The following PPTC7 variants were observed in gnomAD, a reference collection of about 807,000 sequenced individuals.
The protein encoded by PPTC7 is protein phosphatase PTC7 homolog.
In PPTC7, 6 loss-of-function variants were observed where a neutral mutation model predicts 30.8. The ratio of observed to expected loss-of-function variants is 0.19; its 90% CI spans 0.11 to 0.38. The LOEUF is 0.38. Among genes scored for constraint, PPTC7 ranks in the 10% least tolerant of loss-of-function variants. PPTC7 has a pLI of 1.00. For synonymous variants in PPTC7, 163 were observed against 168.1 expected, an observed-to-expected ratio of 0.97 and a Z score of 0.23; for missense variants, 218 against 404.8, an observed-to-expected ratio of 0.54 and a Z score of 3.96.
In PPTC7 at chr12:110,542,482, C is replaced by A. The variant is rs188340729; in HGVS notation, c.603-2537G>T. Among the ~76,000 whole-genome samples, 96 of 151,530 alleles carry A rather than the reference C, an allele frequency of 6.3e-4. 1 individual carries two copies. Among genetic ancestry groups the A allele is most frequent in the African/African-American group, 1.8e-3 (73 of 41,368 alleles). ...AGGTCAGGAGTTCAAGACCAGCCTG[C>A]CCAACATGGTGAAACCCTGTCTCTA... On this transcript the variant is annotated intron_variant, in intron 3 of 5. Coordinates refer to ENST00000354300, the MANE Select transcript of PPTC7 (RefSeq NM_139283.2).
At position 110,561,306 on chromosome 12, in the gene PPTC7, C is replaced by CT. The variant is rs368718066; in HGVS notation, c.224-9339dup. On this transcript the variant is annotated intron_variant, in intron 1 of 5. Transcript: ENST00000354300. ...ACAGATCACATTTATATCAACATTT[C>CT]TTTTTTTTTTCTTTCTTTCTTTTTT... 2.9e-3 allele frequency among the ~76,000 whole-genome samples: 428 copies of CT among 149,808 alleles called. 1 individual carries two copies. The highest frequency in any genetic ancestry group is 9.8e-3 in the African/African-American group (400 of 40,898).
At chr12:110,545,585 A>G (rs960898013) in intron 3 of PPTC7, among the ~76,000 whole-genome samples, 28 of 152,258 alleles carry the variant, frequency 1.8e-4, no homozygotes, top group African/African-American at 6.8e-4. Flanking sequence ...ACAATTTAAT[A>G]AAGTACTGTA....
At chr12:110,557,150 CCACATGTGGCTATTGAGTCTAAAA>C (rs2064395687) in intron 1 of PPTC7, among the ~76,000 whole-genome samples, 2 of 152,194 alleles carry the variant, frequency 1.3e-5, no homozygotes, top group Non-Finnish European at 2.9e-5. Flanking sequence ...GAGCCACTAG[CCACATGTGGCTATTGAGTCTAAAA>C]TCTCACTTGT....
chr12:110,576,976 G>T (rs1233947592), intron 1 of PPTC7, among the ~76,000 whole-genome samples: 1 of 152,110 alleles, frequency 6.6e-6, no homozygotes. Context: ...AGACTAGCCT[G>T]GCCAACATGG....
At position 110,536,868 on chromosome 12, in the gene PPTC7, T is replaced by C. The variant is rs1485206784; in HGVS notation, c.*169A>G. 2.1e-5 allele frequency: 13 copies of C among 612,684 alleles called. No individual in the cohort carries two copies. Among genetic ancestry groups the C allele is most frequent in the African/African-American group, 1.8e-5 (1 of 54,158 alleles). 38.0% of individuals were successfully genotyped at this position (612,684 alleles called of 1,614,324 possible). ...GCAGATATGAGCTAGTGAATGATAG[T>C]AGTGGTTCTCAACAAAGATCTCAAC... On this transcript the variant is annotated 3_prime_UTR_variant, in exon 6 of 6. Coordinates refer to ENST00000354300, the MANE Select transcript of PPTC7 (RefSeq NM_139283.2).
chr12:110,566,905 A>C (rs1461196641), intron 1 of PPTC7, among the ~76,000 whole-genome samples: 2 of 152,228 alleles, frequency 1.3e-5, no homozygotes, highest in East Asian at 1.9e-4. Context: ...ATTTACCTGC[A>C]CTTTGAAAAG....
Position 110,536,687 on chromosome 12 carries a change from T to C in PPTC7, c.*350A>G, listed in dbSNP as rs1418721066. ...ACCATCCCTTTAGCATACTAGGATT[T>C]TGAATTCACTTTACCAACATTACTC... is the stretch of plus-strand genomic sequence containing the variant. On this transcript the variant is annotated 3_prime_UTR_variant, in exon 6 of 6. Coordinates refer to ENST00000354300, the MANE Select transcript of PPTC7 (RefSeq NM_139283.2). 6 of 238,504 alleles carry C rather than the reference T, an allele frequency of 2.5e-5. No homozygotes were observed. Among genetic ancestry groups the C allele is most frequent in the Admixed American group, 5.5e-5 (1 of 18,228 alleles). The allele number at this position is 238,504 out of a possible 1,614,324, so 14.8% of individuals were successfully genotyped here. A position where few individuals can be genotyped will look rare whatever the true frequency, so the allele number is the denominator to read the frequency against.
At chr12:110,578,515 T>C (rs1420807686) in intron 1 of PPTC7, among the ~76,000 whole-genome samples, 2 of 152,204 alleles carry the variant, frequency 1.3e-5, no homozygotes, top group Non-Finnish European at 2.9e-5. Flanking sequence ...ATACAAAATG[T>C]TGTGAAGCAC....
At chr12:110,577,125 C>T (rs1346367499) in intron 1 of PPTC7, among the ~76,000 whole-genome samples, 7 of 147,872 alleles carry the variant, frequency 4.7e-5, no homozygotes, top group African/African-American at 1.5e-4. Flanking sequence ...CAAGATCGCG[C>T]CACTGCTCTC....
rs533741092 is a variant in PPTC7 at position 110,545,968 on chromosome 12, G to A, written c.514C>T (p.Arg172Ter). 6.2e-7 allele frequency: 1 copy of A among 1,614,114 alleles called. No individual in the cohort carries two copies. Residue 172 changes from arginine to a stop codon, truncating the protein, a stop_gained, in exon 3 of 6, where the codon CGA (arginine) becomes TGA (stop). Coordinates refer to ENST00000354300, the MANE Select transcript of PPTC7 (RefSeq NM_139283.2). LOFTEE classifies it high-confidence loss of function. Reference sequence around the variant, plus strand: ...AAGTAATGCTGCTGCTCATCTGATCGGTGCACGACTTCACCACCCCTGACA... The same window carrying A: ...AAGTAATGCTGCTGCTCATCTGATCAGTGCACGACTTCACCACCCCTGACA... ...LVVRGGEVVH[R>*]SDEQQHYFNT...
chr12:110,551,878 A>G lies in PPTC7; in HGVS notation c.314T>C (p.Val105Ala). ...GTLMRTCERL[V>A]KEGRFVPSNP... ...ACTAGGTACGAACCGTCCTTCTTTT[A>G]CTAAACGTTCACACGTCCGCATTAA... Residue 105 changes from valine to alanine, a missense_variant, in exon 2 of 6, where the codon GTA (valine) becomes GCA (alanine). Physicochemically the swap from Val to Ala is moderately conservative, Grantham distance 64. Coordinates refer to ENST00000354300, the MANE Select transcript of PPTC7 (RefSeq NM_139283.2). 1 of 1,614,174 alleles carries G rather than the reference A, an allele frequency of 6.2e-7. No homozygotes were observed. Among genetic ancestry groups the G allele is most frequent in the Non-Finnish European group, 8.5e-7 (1 of 1,180,006 alleles).
In PPTC7 at chr12:110,536,939, G is replaced by T. The variant is rs73191841; in HGVS notation, c.*98C>A. 3.5e-6 allele frequency: 3 copies of T among 869,260 alleles called. No individual in the cohort carries two copies. Among genetic ancestry groups the T allele is most frequent in the African/African-American group, 1.7e-5 (1 of 60,298 alleles). The allele number at this position is 869,260 out of a possible 1,614,324, so 53.8% of individuals were successfully genotyped here. A position where few individuals can be genotyped will look rare whatever the true frequency, so the allele number is the denominator to read the frequency against. On this transcript the variant is annotated 3_prime_UTR_variant, in exon 6 of 6. Coordinates refer to ENST00000354300, the MANE Select transcript of PPTC7 (RefSeq NM_139283.2). ...AAAGACTTACATCACTGGCCATTGA[G>T]ATCAGTGGCAAAGAAATGTGGTCCT...
chr12:110,582,788 G>A (rs778208883), intron 1 of PPTC7, 21 bp downstream of exon 1: 66 of 1,535,368 alleles, frequency 4.3e-5, no homozygotes, highest in Non-Finnish European at 5.6e-5. Flanking sequence ...CTGGGGCAAG[G>A]GAACCGGGTC....
rs1313361147 is a variant in PPTC7, at chr12:110,582,821, C to A, written c.211G>T (p.Ala71Ser). 1 of 1,560,296 alleles carries A rather than the reference C, an allele frequency of 6.4e-7. No homozygotes were observed. Among genetic ancestry groups the A allele is most frequent in the Non-Finnish European group, 8.7e-7 (1 of 1,152,844 alleles). Reference protein sequence around the residue: ...DACFVARHRSADVLGVADGVG... With the variant: ...DACFVARHRSSDVLGVADGVG... ...GTCGGGGACTCACCGAGCACGTCCG[C>A]GGAACGGTGCCGGGCCACGAAGCAC... Residue 71 changes from alanine (A) to serine (S), a missense_variant, in exon 1 of 6, where the codon GCG (alanine) becomes TCG (serine). Coordinates refer to ENST00000354300, the MANE Select transcript of PPTC7 (RefSeq NM_139283.2).
intron 1 of PPTC7, among the ~76,000 whole-genome samples, chr12:110,572,897 T>TTTC (rs2064551538): frequency 6.6e-6 from 1 of 151,594 alleles, no homozygotes; most frequent in Non-Finnish European, 1.5e-5. Context: ...TTATTTATTT[T>TTTC]TGAGACGAGT....
intron 1 of PPTC7, among the ~76,000 whole-genome samples, chr12:110,573,159 C>T (rs1227569693): frequency 1.3e-5 from 2 of 152,286 alleles, no homozygotes; most frequent in South Asian, 2.1e-4. Context: ...GGATTATAGG[C>T]GTGAGCCACC....
chr12:110,574,456 T>C (rs1158183298), intron 1 of PPTC7, among the ~76,000 whole-genome samples: 2 of 152,192 alleles, frequency 1.3e-5, no homozygotes, highest in East Asian at 3.9e-4. Flanking sequence ...GAATGAAGCA[T>C]TTTTACTCCT....
At chr12:110,577,284 T>A (rs1252843032) in intron 1 of PPTC7, among the ~76,000 whole-genome samples, 1 of 150,878 alleles carries the variant, frequency 6.6e-6, no homozygotes, top group African/African-American at 2.4e-5. Flanking sequence ...TCCTGGAATT[T>A]AAAAAAAGTA....
chr12:110,567,167 G>A (rs960025127), intron 1 of PPTC7, among the ~76,000 whole-genome samples: 4 of 152,150 alleles, frequency 2.6e-5, no homozygotes, highest in Non-Finnish European at 5.9e-5. Flanking sequence ...GTCTCACACA[G>A]CTAACCGTTG....
Sources: allele counts gnomAD v4.1 joint callset (sites outside exome capture counted in the v4.1 genomes callset), GRCh38; gene constraint gnomAD v4.1.1; transcripts MANE v1.5; gene names NCBI Gene and HGNC (gene_info 2026-07-23, HGNC 2026-07-21).